CCDC169: variants seen among roughly 807,000 people sequenced by gnomAD.
CCDC169 encodes coiled-coil domain containing 169.
A neutral mutation model predicts 36.0 loss-of-function variants in CCDC169; 30 were observed. The observed-to-expected ratio is 0.83, with a 90% CI of 0.62 to 1.13. The LOEUF (loss-of-function observed/expected upper bound fraction) is 1.13, where lower values mean the gene tolerates loss of function less well. CCDC169 is among the 50% of genes most tolerant of loss of function. The pLI is 0.00. For synonymous variants in CCDC169, 85 were observed against 81.5 expected (o/e 1.04, Z -0.23); for missense variants, 245 against 245.9 (o/e 1.00, Z 0.03).
chr13:36,265,668 C>T (rs1333386877), intron 4 of CCDC169, among the ~76,000 whole-genome samples: 2 of 152,174 alleles, frequency 1.3e-5, no homozygotes, highest in African/African-American at 2.4e-5. Flanking sequence ...TTTTGATTTA[C>T]AATTTTGATC....
chr13:36,253,667 C>T, intron 6 of CCDC169, 136 bp downstream of exon 6: 1 of 1,016,536 alleles, frequency 9.8e-7, no homozygotes, highest in Non-Finnish European at 1.4e-6. Context: ...GTATATTTTC[C>T]TGTCTACCCT....
At chr13:36,273,924 G>A (rs1027726747) in intron 4 of CCDC169, among the ~76,000 whole-genome samples, 7 of 152,036 alleles carry the variant, frequency 4.6e-5, no homozygotes, top group Non-Finnish European at 7.3e-5. Context: ...AGCTCTGTGC[G>A]TGTTCATTCT....
chr13:36,273,846 C>T (rs563912092), intron 4 of CCDC169, among the ~76,000 whole-genome samples: 1 of 152,294 alleles, frequency 6.6e-6, no homozygotes, highest in African/African-American at 2.4e-5. Context: ...GTTCTTTCTT[C>T]ACTATTATCT....
chr13:36,289,120 T>C (rs1878580262), intron 2 of CCDC169, among the ~76,000 whole-genome samples: 2 of 152,176 alleles, frequency 1.3e-5, no homozygotes, highest in African/African-American at 4.8e-5. Flanking sequence ...TCTTAAGGTA[T>C]TACTTTTCTC....
At chr13:36,224,822 C>T (rs1186875600), downstream of CCDC169, 3 of 151,910 alleles carry the variant, frequency 2.0e-5, no homozygotes, top group African/African-American at 4.8e-5. Flanking sequence ...AAAAGGAGCC[C>T]GAATAGCCAG....
intron 4 of CCDC169, among the ~76,000 whole-genome samples, chr13:36,272,359 A>G (rs1876204312): frequency 6.6e-6 from 1 of 152,108 alleles, no homozygotes; most frequent in Non-Finnish European, 1.5e-5. Flanking sequence ...TAGTAGCTCC[A>G]CTGCACTTAA....
At chr13:36,228,554 T>A (rs946357554), downstream of CCDC169, among the ~76,000 whole-genome samples, 1 of 152,090 alleles carries the variant, frequency 6.6e-6, no homozygotes, top group Non-Finnish European at 1.5e-5. Context: ...CAACAAATAA[T>A]TGGATTTTTT....
intron 2 of CCDC169, among the ~76,000 whole-genome samples, chr13:36,285,362 A>G (rs1878047570): frequency 6.6e-6 from 1 of 152,066 alleles, no homozygotes; most frequent in Non-Finnish European, 1.5e-5. Context: ...TAGCCTGGCC[A>G]ATGTGGTGAA....
At chr13:36,260,204 G>A (rs1874447957) in intron 4 of CCDC169, among the ~76,000 whole-genome samples, 1 of 152,266 alleles carries the variant, frequency 6.6e-6, no homozygotes. Flanking sequence ...CGTGAACCCA[G>A]GTAAAATGAC....
chr13:36,268,860 T>G lies in CCDC169; in HGVS notation c.315+14609A>C, dbSNP rs192412918. ...TGGCTCATGCCTGTAATCCCAGCAC[T>G]TTGGGAGGCTGAAGTGGGCAGATCA... On this transcript the variant is annotated intron_variant, in intron 4 of 7. Transcript: ENST00000239859. Among the ~76,000 whole-genome samples the G allele has an allele frequency of 2.9e-3, 443 of 152,186 alleles. 1 individual carries two copies. The highest frequency in any genetic ancestry group is 0.01 in the African/African-American group (424 of 41,542).
intron 6 of CCDC169, among the ~76,000 whole-genome samples, chr13:36,251,817 C>A (rs988737925): frequency 1.3e-5 from 2 of 152,116 alleles, no homozygotes; most frequent in Admixed American, 6.5e-5. Context: ...AATTCTGGTG[C>A]CCCTGTCACA....
chr13:36,281,986 C>T (rs909654680), intron 4 of CCDC169, among the ~76,000 whole-genome samples: 1 of 152,154 alleles, frequency 6.6e-6, no homozygotes, highest in African/African-American at 2.4e-5. Context: ...ACATTTTATA[C>T]ATTTTTGTCA....
chr13:36,248,625 G>A lies in CCDC169; in HGVS notation c.526C>T (p.Gln176Ter). ...RQQVDQLPRM[Q>*]ENLVKTGRYN... The stretch of plus-strand genomic sequence containing the variant: ...ACTTACGTTTTCACTAGATTCTCTT[G>A]CATCCTAGGCAGTTGATCCACCTGT... Residue 176 changes from glutamine (Q) to a stop codon, truncating the protein, a stop_gained, in exon 7 of 8, where the codon CAA (glutamine) becomes TAA (stop). Coordinates refer to ENST00000239859, the MANE Select transcript of CCDC169 (RefSeq NM_001144981.3). LOFTEE classifies it high-confidence loss of function. 6.5e-7 allele frequency: 1 copy of A among 1,549,642 alleles called. No homozygotes were observed. Among genetic ancestry groups the A allele is most frequent in the Non-Finnish European group, 8.7e-7 (1 of 1,145,628 alleles).
intron 4 of CCDC169, among the ~76,000 whole-genome samples, chr13:36,254,362 G>A (rs1318643308): frequency 3.4e-5 from 5 of 145,424 alleles, no homozygotes; most frequent in African/African-American, 5.1e-5. Context: ...TGCAACCTCC[G>A]CCTCCCAGGT....
intron 2 of CCDC169, among the ~76,000 whole-genome samples, chr13:36,286,314 T>C (rs762851880): frequency 1.3e-5 from 2 of 152,176 alleles, no homozygotes; most frequent in Non-Finnish European, 2.9e-5. Context: ...TGGAACTAGG[T>C]GCATTAGTCA....
At chr13:36,222,654 G>A (rs1869673882), downstream of CCDC169, 1 of 152,060 alleles carries the variant, frequency 6.6e-6, no homozygotes, top group Non-Finnish European at 1.5e-5. Flanking sequence ...AGAAGAAACT[G>A]AACTGCAATT....
chr13:36,223,140 T>TTATAGTC (rs1400481105), downstream of CCDC169: 2 of 152,218 alleles, frequency 1.3e-5, no homozygotes, highest in Non-Finnish European at 2.9e-5. Flanking sequence ...AAGCTCATAT[T>TTATAGTC]TATAGTCTAT....
chr13:36,258,405 A>G (rs532764351), intron 4 of CCDC169, among the ~76,000 whole-genome samples: 16 of 152,294 alleles, frequency 1.1e-4, no homozygotes, highest in African/African-American at 3.6e-4. Context: ...AATCTTAATC[A>G]CAGGATGAAA....
At chr13:36,276,505 C>T (rs1223510230) in intron 4 of CCDC169, among the ~76,000 whole-genome samples, 2 of 152,176 alleles carry the variant, frequency 1.3e-5, no homozygotes, top group Non-Finnish European at 2.9e-5. Context: ...TCTGTTTCTA[C>T]ACCTTCTCCC....
Sources: gnomAD v4.1 joint callset for allele counts (sites outside exome capture counted in the v4.1 genomes callset) on GRCh38, gnomAD v4.1.1 for gene constraint, MANE v1.5 for transcripts, NCBI Gene and HGNC (gene_info 2026-07-23, HGNC 2026-07-21) for gene names.